The following PLEKHA7 variants were observed in gnomAD, a reference collection of about 807,000 sequenced individuals.
PLEKHA7 encodes pleckstrin homology domain-containing family A member 7.
PLEKHA7 carries 104 observed loss-of-function variants against 170.0 expected under a neutral mutation model. The ratio of observed to expected loss-of-function variants is 0.61; its 90% CI spans 0.52 to 0.72. The LOEUF (loss-of-function observed/expected upper bound fraction) is 0.72, where lower values mean the gene tolerates loss of function less well. PLEKHA7 is among the 30% of genes least tolerant of loss of function. The pLI, the probability that PLEKHA7 is intolerant of heterozygous loss-of-function variation, is 0.00. For synonymous variants in PLEKHA7, 648 were observed against 660.8 expected (o/e 0.98, Z 0.30); for missense variants, 1,615 against 1,671.7 (o/e 0.97, Z 0.59).
chr11:17,003,882 C>T (rs1432488456), intron 3 of PLEKHA7, among the ~76,000 whole-genome samples: 1 of 152,156 alleles, frequency 6.6e-6, no homozygotes, highest in Non-Finnish European at 1.5e-5. Context: ...CAACTCAGTA[C>T]AAGCAAAAGA....
chr11:16,948,482 C>G (rs555088172), intron 3 of PLEKHA7, among the ~76,000 whole-genome samples: 10 of 152,248 alleles, frequency 6.6e-5, no homozygotes, highest in Admixed American at 6.5e-4. Flanking sequence ...TTGCCTCACC[C>G]TCCATTTCCC....
At position 16,803,031 on chromosome 11, in the gene PLEKHA7, C is replaced by T; in HGVS notation, c.2098G>A (p.Glu700Lys). 1 of 1,614,144 alleles carries T rather than the reference C, an allele frequency of 6.2e-7. No individual in the cohort carries two copies. The highest frequency in any genetic ancestry group is 8.5e-7 in the Non-Finnish European group (1 of 1,180,016). The change falls in exon 15 of 27, where the codon GAA (glutamate) becomes AAA (lysine). Residue 700 changes from glutamate (E) to lysine (K), a missense_variant. Physicochemically the swap from Glu to Lys is moderately conservative, Grantham distance 56. Transcript: ENST00000531066. ...DTDVKLSIFC[E>K]QDRVLQDLED... ...AAGTCCTGGAGGACCCTGTCTTGTT[C>T]ACAGAAGATGCTCAGTTTGACCTAA...
intron 3 of PLEKHA7, 82 bp from the exon 4 acceptor site, chr11:16,871,264 G>C (rs1854821609): frequency 9.3e-7 from 1 of 1,071,308 alleles, no homozygotes; most frequent in African/African-American, 1.6e-5. Context: ...GCAATGTCTG[G>C]TGACCCTGGT....
chr11:16,862,126 A>G (rs944442382), intron 4 of PLEKHA7, among the ~76,000 whole-genome samples: 3 of 152,182 alleles, frequency 2.0e-5, no homozygotes, highest in East Asian at 1.9e-4. Flanking sequence ...TCACTACTCA[A>G]CTATGGCTTA....
intron 3 of PLEKHA7, among the ~76,000 whole-genome samples, chr11:16,934,772 T>C (rs1328516858): frequency 1.3e-5 from 2 of 152,250 alleles, no homozygotes; most frequent in African/African-American, 4.8e-5. Flanking sequence ...ATATTAAATG[T>C]TCAGATTCAT....
At position 16,990,637 on chromosome 11, in the gene PLEKHA7, C is replaced by G. The variant is rs76891526; in HGVS notation, c.221+23352G>C. Among the ~76,000 whole-genome samples, 23 of 152,314 alleles carry G rather than the reference C, an allele frequency of 1.5e-4. No individual in the cohort carries two copies. The South Asian group carries it at 4.8e-3, about 32-fold the overall frequency. On this transcript the variant is annotated intron_variant, in intron 3 of 26. Coordinates refer to ENST00000531066, the MANE Select transcript of PLEKHA7 (RefSeq NM_001329630.2). ...GGTTGTAACACTTTAAATTTCAAAG[C>G]AGAGCTGAGGGGATTTTAAAAGTTC...
At chr11:16,832,729 G>A (rs438786) in intron 9 of PLEKHA7, among the ~76,000 whole-genome samples, 94,545 of 151,970 alleles carry the variant, frequency 0.62, 30,035 homozygotes, top group East Asian at 0.87. Context: ...TCCCACTGGA[G>A]GGATCCCTCC....
intron 3 of PLEKHA7, among the ~76,000 whole-genome samples, chr11:16,998,715 A>G (rs1864488950): frequency 6.6e-6 from 1 of 151,782 alleles, no homozygotes; most frequent in Non-Finnish European, 1.5e-5. Flanking sequence ...CAAAACCTCC[A>G]TAAGTGGATA....
In PLEKHA7 at chr11:16,885,166, C is replaced by A. The variant is rs867135709; in HGVS notation, c.222-13984G>T. On this transcript the variant is annotated intron_variant, in intron 3 of 26. Coordinates refer to ENST00000531066, the MANE Select transcript of PLEKHA7 (RefSeq NM_001329630.2). ...GACCAGCCTGGCCAACATAGTGAAA[C>A]CCTGAATACAAAAATTATCCAGGTG... 6.6e-5 allele frequency among the ~76,000 whole-genome samples: 10 copies of A among 152,038 alleles called. No homozygotes were observed. In the South Asian group the frequency reaches 1.5e-3, roughly 22 times the overall value.
intron 3 of PLEKHA7, among the ~76,000 whole-genome samples, chr11:16,971,843 A>C (rs1862734856): frequency 6.6e-6 from 1 of 150,898 alleles, no homozygotes; most frequent in African/African-American, 2.4e-5. Flanking sequence ...TTTTTTATTG[A>C]GACAGGGCCT....
intron 4 of PLEKHA7, among the ~76,000 whole-genome samples, chr11:16,865,390 CA>C (rs1854302849): frequency 6.6e-6 from 1 of 152,068 alleles, no homozygotes. Flanking sequence ...GGGGGTGTAA[CA>C]AAAAACTGGG....
intron 8 of PLEKHA7, among the ~76,000 whole-genome samples, chr11:16,848,026 T>C (rs1852600138): frequency 6.6e-6 from 1 of 152,074 alleles, no homozygotes; most frequent in Non-Finnish European, 1.5e-5. Flanking sequence ...GAGCACTTAC[T>C]ATATACTAGG....
intron 3 of PLEKHA7, among the ~76,000 whole-genome samples, chr11:16,950,492 A>T (rs1257377994): frequency 1.4e-5 from 2 of 143,082 alleles, no homozygotes; most frequent in Admixed American, 1.5e-4. Context: ...CTTTGGGAAG[A>T]GATAAGACTT....
intron 13 of PLEKHA7, chr11:16,807,202 A>G: frequency 1.5e-5 from 15 of 985,394 alleles, no homozygotes; most frequent in Non-Finnish European, 1.8e-5. Context: ...AAGCACGTTG[A>G]TCAAAGGTTC....
intron 3 of PLEKHA7, among the ~76,000 whole-genome samples, chr11:16,875,869 A>G (rs1445849142): frequency 6.6e-6 from 1 of 152,128 alleles, no homozygotes; most frequent in African/African-American, 2.4e-5. Flanking sequence ...ACAAATACCT[A>G]AAAGGGCAGG....
chr11:16,833,311 A>G lies in PLEKHA7; in HGVS notation c.873-6721T>C, dbSNP rs1194049343. Among the ~76,000 whole-genome samples, 5 of 152,182 alleles carry G rather than the reference A, an allele frequency of 3.3e-5. No individual in the cohort carries two copies. In the East Asian group the frequency reaches 9.6e-4, roughly 29 times the overall value. ...CTAGGCTGAGGCTGCCTCCTGCCTC[A>G]GTAGAGCAGCTATTGGCAAAATCCC... is the stretch of plus-strand genomic sequence containing the variant. On this transcript the variant is annotated intron_variant, in intron 9 of 26. Coordinates refer to ENST00000531066, the MANE Select transcript of PLEKHA7 (RefSeq NM_001329630.2).
rs775136335 is a variant in PLEKHA7, at chr11:16,822,502, GAAA to G, written c.1343+3615_1343+3617del. On this transcript the variant is annotated intron_variant, in intron 10 of 26. Coordinates refer to ENST00000531066, the MANE Select transcript of PLEKHA7 (RefSeq NM_001329630.2). Reference sequence around the variant, plus strand: ...TCTCAAGTGTCTGCTTTTGGTAGGGGAAAAAAAAAAAAAAAAAAAAAAAAGGAA... The same window carrying G: ...TCTCAAGTGTCTGCTTTTGGTAGGGGAAAAAAAAAAAAAAAAAAAAAGGAA... 1.8e-4 allele frequency among the ~76,000 whole-genome samples: 14 copies of G among 78,924 alleles called. No homozygotes were observed. The East Asian group carries it at 2.5e-3, about 14-fold the overall frequency. The allele number at this position is 78,924 out of a possible 152,430, so 51.8% of individuals were successfully genotyped here. A position where few individuals can be genotyped will look rare whatever the true frequency, so the allele number is the denominator to read the frequency against.
At chr11:16,979,819 T>A (rs1033338512) in intron 3 of PLEKHA7, among the ~76,000 whole-genome samples, 1 of 152,184 alleles carries the variant, frequency 6.6e-6, no homozygotes, top group African/African-American at 2.4e-5. Flanking sequence ...TCTCCTCATT[T>A]GGCTATCTAG....
At chr11:16,910,687 G>T (rs1252715883) in intron 3 of PLEKHA7, among the ~76,000 whole-genome samples, 1 of 152,200 alleles carries the variant, frequency 6.6e-6, no homozygotes, top group East Asian at 1.9e-4. Flanking sequence ...GCATCCAGGG[G>T]GTAAAATCCA....
Sources: gnomAD v4.1 joint callset for allele counts (sites outside exome capture counted in the v4.1 genomes callset) on GRCh38, gnomAD v4.1.1 for gene constraint, MANE v1.5 for transcripts, NCBI Gene and HGNC (gene_info 2026-07-23, HGNC 2026-07-21) for gene names.